Variants in FOXP1 observed in about 807,000 individuals in gnomAD.
FOXP1 encodes forkhead box P1.
FOXP1 carries 15 observed loss-of-function variants against 98.2 expected under a neutral mutation model. That is an observed-to-expected ratio of 0.15 (90% CI 0.10 to 0.24). The LOEUF (loss-of-function observed/expected upper bound fraction) is 0.24. Among genes scored for constraint, FOXP1 ranks in the 10% least tolerant of loss-of-function variants. The pLI is 1.00. For synonymous variants in FOXP1, 371 were observed against 314.5 expected (o/e 1.18, Z -1.90); for missense variants, 633 against 848.5 (o/e 0.75, Z 3.15).
intron 3 of FOXP1, among the ~76,000 whole-genome samples, chr3:71,424,775 TG>T (rs1342883826): frequency 1.8e-4 from 28 of 152,234 alleles, no homozygotes; most frequent in African/African-American, 6.3e-4. Flanking sequence ...TATGCTGGGC[TG>T]GCTTCTGTCA....
At chr3:70,976,902 C>A in intron 17 of FOXP1, 39 bp downstream of exon 17, 1 of 1,422,202 alleles carries the variant, frequency 7.0e-7, no homozygotes, top group Non-Finnish European at 9.9e-7. Context: ...GTTCTATGAA[C>A]GTCAAGATCC....
At chr3:71,118,581 C>A (rs989558641) in intron 6 of FOXP1, among the ~76,000 whole-genome samples, 1 of 152,170 alleles carries the variant, frequency 6.6e-6, no homozygotes, top group African/African-American at 2.4e-5. Flanking sequence ...AGATAACCAA[C>A]TGACACATGG....
chr3:71,574,660 T>C (rs2047591184), intron 2 of FOXP1, among the ~76,000 whole-genome samples: 1 of 152,082 alleles, frequency 6.6e-6, no homozygotes, highest in South Asian at 2.1e-4. Flanking sequence ...CAGTTACAAT[T>C]TTAAAATTAA....
intron 2 of FOXP1, chr3:71,574,374 C>G (rs1203915509): frequency 6.6e-6 from 1 of 152,176 alleles, no homozygotes; most frequent in Non-Finnish European, 1.5e-5. Flanking sequence ...GTCTCAACAA[C>G]TTTTATTTAA....
At position 71,402,462 on chromosome 3, in the gene FOXP1, C is replaced by T. The variant is rs1335271791; in HGVS notation, c.-167-43218G>A. ...AAAATGAGACCCTGTCTCAATCAAT[C>T]AAATCATAAATGTCTGTTATCTGTG... On this transcript the variant is annotated intron_variant, in intron 3 of 20. Coordinates refer to ENST00000649528, the MANE Select transcript of FOXP1 (RefSeq NM_001349338.3). Among the ~76,000 whole-genome samples, 3 of 152,114 alleles carry T rather than the reference C, an allele frequency of 2.0e-5. No individual in the cohort carries two copies. The East Asian group carries it at 5.8e-4, about 29-fold the overall frequency.
intron 11 of FOXP1, among the ~76,000 whole-genome samples, chr3:71,016,493 G>C (rs2044507429): frequency 6.6e-6 from 1 of 152,048 alleles, no homozygotes; most frequent in Non-Finnish European, 1.5e-5. Flanking sequence ...TTTTACAGTT[G>C]TTTCCATAAC....
At position 71,529,150 on chromosome 3, in the gene FOXP1, C is replaced by T. The variant is rs577929662; in HGVS notation, c.-297-35595G>A. ...TCAGCTAGGATGAAAAAGCACACTC[C>T]TGCCCATTGATCTAATGATTTAGTT... On this transcript the variant is annotated intron_variant, in intron 2 of 20. Coordinates refer to ENST00000649528, the MANE Select transcript of FOXP1 (RefSeq NM_001349338.3). Among the ~76,000 whole-genome samples, 9 of 152,324 alleles carry T rather than the reference C, an allele frequency of 5.9e-5. No homozygotes were observed. The South Asian group carries it at 1.9e-3, about 32-fold the overall frequency.
chr3:71,245,861 A>C (rs1317564608), intron 5 of FOXP1, among the ~76,000 whole-genome samples: 1 of 151,378 alleles, frequency 6.6e-6, no homozygotes, highest in Non-Finnish European at 1.5e-5. Context: ...ATCCTTTAGA[A>C]ATTAGCTAAT....
At chr3:71,365,844 G>A (rs574747849) in intron 3 of FOXP1, among the ~76,000 whole-genome samples, 1 of 152,120 alleles carries the variant, frequency 6.6e-6, no homozygotes, top group South Asian at 2.1e-4. Flanking sequence ...TTAGCTGAGC[G>A]TGGTGGCGTG....
chr3:71,028,901 A>G (rs1261167451), intron 11 of FOXP1, among the ~76,000 whole-genome samples: 2 of 152,206 alleles, frequency 1.3e-5, no homozygotes, highest in African/African-American at 2.4e-5. Flanking sequence ...TGTGGTTCAC[A>G]ATAGGATTCA....
In FOXP1 at chr3:71,057,863, C is replaced by T. The variant is rs550242200; in HGVS notation, c.283-4090G>A. 3.3e-5 allele frequency among the ~76,000 whole-genome samples: 5 copies of T among 152,212 alleles called. No homozygotes were observed. In the East Asian group the frequency reaches 9.7e-4, roughly 29 times the overall value. On this transcript the variant is annotated intron_variant, in intron 7 of 20. Transcript: ENST00000649528. ...GCCATCACAGCTCTGCTAGTATGGGCCTGCTGCTACCTTAATACCAGCAAC... is the reference window on the plus strand; with the variant it reads ...GCCATCACAGCTCTGCTAGTATGGGTCTGCTGCTACCTTAATACCAGCAAC...
intron 7 of FOXP1, among the ~76,000 whole-genome samples, chr3:71,068,226 A>C (rs1041848548): frequency 1.3e-5 from 2 of 152,240 alleles, no homozygotes; most frequent in African/African-American, 4.8e-5. Flanking sequence ...TGTGCACTTA[A>C]GAACAGATTA....
At chr3:71,528,628 T>C (rs920532433) in intron 2 of FOXP1, among the ~76,000 whole-genome samples, 1 of 152,214 alleles carries the variant, frequency 6.6e-6, no homozygotes, top group Admixed American at 6.5e-5. Context: ...CCCTGATTTA[T>C]GTAGAGGGTA....
chr3:71,012,895 A>G (rs2043862897), intron 12 of FOXP1, among the ~76,000 whole-genome samples: 1 of 152,186 alleles, frequency 6.6e-6, no homozygotes, highest in African/African-American at 2.4e-5. Flanking sequence ...ACATGTGCCT[A>G]TGTTATAGGT....
At chr3:71,207,643 C>T (rs965762568) in intron 5 of FOXP1, among the ~76,000 whole-genome samples, 2 of 152,130 alleles carry the variant, frequency 1.3e-5, no homozygotes, top group African/African-American at 2.4e-5. Flanking sequence ...TCACCCTGGT[C>T]GGTGTTGTAT....
At chr3:71,352,311 C>T (rs966193281) in intron 4 of FOXP1, among the ~76,000 whole-genome samples, 1 of 151,664 alleles carries the variant, frequency 6.6e-6, no homozygotes, top group African/African-American at 2.4e-5. Context: ...ACCAAAAATA[C>T]AAAAATTAGC....
At chr3:71,048,708 A>G (rs2049389574) in intron 9 of FOXP1, among the ~76,000 whole-genome samples, 1 of 151,968 alleles carries the variant, frequency 6.6e-6, no homozygotes, top group Middle Eastern at 3.2e-3. Context: ...TTCAACAGAT[A>G]TTAACTCACA....
intron 2 of FOXP1, among the ~76,000 whole-genome samples, chr3:71,502,837 T>C (rs1453844812): frequency 6.6e-6 from 1 of 152,208 alleles, no homozygotes; most frequent in Non-Finnish European, 1.5e-5. Context: ...ATTAAGGTTA[T>C]GTAACCGGCA....
chr3:71,306,631 C>CAAAAAAA (rs66479255), intron 4 of FOXP1, among the ~76,000 whole-genome samples: 1 of 42,852 alleles, frequency 2.3e-5, no homozygotes, highest in African/African-American at 8.7e-5. Context: ...GAGAATAAGC[C>CAAAAAAA]AAAAAAAAAA....
Sources: allele counts gnomAD v4.1 joint callset (sites outside exome capture counted in the v4.1 genomes callset), GRCh38; gene constraint gnomAD v4.1.1; transcripts MANE v1.5; gene names NCBI Gene and HGNC (gene_info 2026-07-23, HGNC 2026-07-21).